APP: variants seen among roughly 807,000 people sequenced by gnomAD.
The protein encoded by APP is amyloid beta precursor protein.
In APP, 31 loss-of-function variants were observed where a neutral mutation model predicts 101.4. The ratio of observed to expected loss-of-function variants is 0.31; its 90% confidence interval spans 0.23 to 0.41. APP has a LOEUF of 0.41. Ranked by LOEUF, APP falls within the 10% of genes least tolerant of loss-of-function variation. The pLI is 1.00. For synonymous variants in APP, 366 were observed against 364.4 expected (o/e 1.00, Z -0.05); for missense variants, 839 against 1,003.7 (o/e 0.84, Z 2.22).
intron 8 of APP, among the ~76,000 whole-genome samples, chr21:25,993,029 G>C (rs1354306450): frequency 6.6e-6 from 1 of 152,210 alleles, no homozygotes; most frequent in African/African-American, 2.4e-5. Context: ...AACGACCCTG[G>C]GGTTAAGGTG....
intron 6 of APP, among the ~76,000 whole-genome samples, 200 bp downstream of exon 6, chr21:26,021,640 C>T (rs1010867815): frequency 6.6e-6 from 1 of 152,084 alleles, no homozygotes; most frequent in Non-Finnish European, 1.5e-5. Flanking sequence ...ACAAAACAAA[C>T]TGTATAATAA....
chr21:26,122,050 C>CT (rs1260711405), intron 1 of APP, among the ~76,000 whole-genome samples: 3 of 152,224 alleles, frequency 2.0e-5, no homozygotes, highest in African/African-American at 7.2e-5. Flanking sequence ...AAATCTGCAT[C>CT]TTAGAGTTGC....
At chr21:25,936,343 C>T (rs1033788906) in intron 13 of APP, among the ~76,000 whole-genome samples, 5 of 152,174 alleles carry the variant, frequency 3.3e-5, no homozygotes, top group Non-Finnish European at 4.4e-5. Context: ...CACCTGAGGT[C>T]GAGAGTTCGA....
At chr21:26,075,803 A>T (rs1325139900) in intron 3 of APP, among the ~76,000 whole-genome samples, 1 of 152,148 alleles carries the variant, frequency 6.6e-6, no homozygotes, top group Non-Finnish European at 1.5e-5. Context: ...GAACCAACTT[A>T]GTTCTATTCT....
At chr21:26,102,245 C>G (rs1045923234) in intron 2 of APP, among the ~76,000 whole-genome samples, 1 of 151,956 alleles carries the variant, frequency 6.6e-6, no homozygotes, top group Non-Finnish European at 1.5e-5. Context: ...CCCACCACCA[C>G]GCCCGGCAAA....
intron 8 of APP, among the ~76,000 whole-genome samples, chr21:25,995,508 A>G (rs550873084): frequency 1.3e-5 from 2 of 152,328 alleles, no homozygotes; most frequent in African/African-American, 4.8e-5. Flanking sequence ...GCTTGGGACA[A>G]GTCACTAAGC....
intron 1 of APP, among the ~76,000 whole-genome samples, chr21:26,133,784 AAAC>A (rs1193378982): frequency 2.0e-5 from 3 of 152,208 alleles, no homozygotes; most frequent in African/African-American, 7.2e-5. Context: ...AAACAAAACA[AAAC>A]AAATAACTGG....
intron 13 of APP, among the ~76,000 whole-genome samples, chr21:25,927,002 CAAAAAAAA>C (rs36048306): frequency 1.5e-5 from 1 of 67,268 alleles, no homozygotes; most frequent in Non-Finnish European, 2.5e-5. Flanking sequence ...GACTCCGTCT[CAAAAAAAA>C]AAAAAAAAAA....
At chr21:26,080,017 G>T (rs1329458459) in intron 3 of APP, among the ~76,000 whole-genome samples, 2 of 152,048 alleles carry the variant, frequency 1.3e-5, no homozygotes, top group South Asian at 4.2e-4. Flanking sequence ...CCAGCTACTC[G>T]GGAGGCTGAG....
intron 8 of APP, among the ~76,000 whole-genome samples, chr21:25,990,453 T>C (rs1205530987): frequency 7.5e-6 from 1 of 132,842 alleles, no homozygotes; most frequent in Non-Finnish European, 1.6e-5. Flanking sequence ...TAGCAATAAC[T>C]GGCGTCCAGA....
At chr21:26,079,684 T>C (rs1351051203) in intron 3 of APP, among the ~76,000 whole-genome samples, 2 of 152,234 alleles carry the variant, frequency 1.3e-5, no homozygotes, top group Admixed American at 6.5e-5. Flanking sequence ...GTCTTTTTTA[T>C]ACAACATAGG....
At position 26,170,587 on chromosome 21, in the gene APP, C is replaced by T. The variant is rs2063725474; in HGVS notation, c.34G>A (p.Ala12Thr). The T allele has an allele frequency of 1.2e-5, 19 of 1,538,644 alleles. No individual in the cohort carries two copies. The highest frequency in any genetic ancestry group is 1.5e-5 in the Non-Finnish European group (17 of 1,146,428). ...ACCTCCAGCGCCCGAGCCGTCCAGG[C>T]GGCCAGCAGGAGCAGTGCCAAACCG... ...LPGLALLLLA[A>T]WTARALEVPT... The change falls in exon 1 of 18, where the codon GCC (alanine) becomes ACC (threonine). Residue 12 changes from alanine to threonine, a missense_variant. Transcript: ENST00000346798.
chr21:25,951,306 A>G (rs2041065285), intron 13 of APP, among the ~76,000 whole-genome samples: 1 of 152,252 alleles, frequency 6.6e-6, no homozygotes, highest in African/African-American at 2.4e-5. Flanking sequence ...AATTGGAAGC[A>G]TAATTTACTG....
At chr21:25,903,032 G>A (rs2038589031) in intron 15 of APP, among the ~76,000 whole-genome samples, 1 of 152,098 alleles carries the variant, frequency 6.6e-6, no homozygotes, top group African/African-American at 2.4e-5. Flanking sequence ...GACAGCGTTT[G>A]GAGGTGTCCT....
intron 5 of APP, among the ~76,000 whole-genome samples, chr21:26,049,940 A>C (rs2045768621): frequency 6.6e-6 from 1 of 152,212 alleles, no homozygotes; most frequent in African/African-American, 2.4e-5. Flanking sequence ...GATGTAAATG[A>C]AGGTAACTAG....
chr21:25,952,187 TAC>T (rs1324301529), intron 13 of APP, among the ~76,000 whole-genome samples: 17 of 111,196 alleles, frequency 1.5e-4, no homozygotes, highest in South Asian at 6.3e-4. Context: ...GCATATTACA[TAC>T]ATACACACAC....
chr21:25,912,737 C>T (rs554029284), intron 13 of APP, among the ~76,000 whole-genome samples: 41 of 152,228 alleles, frequency 2.7e-4, no homozygotes, highest in African/African-American at 9.4e-4. Context: ...GCCTACCCCC[C>T]CACTTTAAAA....
chr21:25,895,539 G>A (rs1380934779), intron 16 of APP, among the ~76,000 whole-genome samples: 4 of 152,180 alleles, frequency 2.6e-5, no homozygotes, highest in South Asian at 2.1e-4. Context: ...TTATTGTGGT[G>A]TTCTGAAATT....
At chr21:25,894,694 GCA>G (rs566184808) in intron 16 of APP, among the ~76,000 whole-genome samples, 1 of 152,336 alleles carries the variant, frequency 6.6e-6, no homozygotes, top group East Asian at 1.9e-4. Flanking sequence ...GTGGTTTCTT[GCA>G]ATGGAATCTA....
Sources: gnomAD v4.1 joint callset for allele counts (sites outside exome capture counted in the v4.1 genomes callset) on GRCh38, gnomAD v4.1.1 for gene constraint, MANE v1.5 for transcripts, NCBI Gene and HGNC (gene_info 2026-07-23, HGNC 2026-07-21) for gene names.